PDLIM1: variants seen among roughly 807,000 people sequenced by gnomAD.
The protein encoded by PDLIM1 is PDZ and LIM domain protein 1.
Under a neutral mutation model 35.2 loss-of-function variants are expected in PDLIM1, and 25 were observed. The ratio of observed to expected loss-of-function variants is 0.71; its 90% CI spans 0.52 to 0.99. The LOEUF (loss-of-function observed/expected upper bound fraction) is 0.99, where lower values mean the gene tolerates loss of function less well. PDLIM1 is among the 50% of genes least tolerant of loss of function. The pLI is 0.00. For synonymous variants in PDLIM1, 152 were observed against 154.0 expected (o/e 0.99, Z 0.10); for missense variants, 363 against 415.3 (o/e 0.87, Z 1.09).
intron 2 of PDLIM1, 147 bp from the exon 3 acceptor site, chr10:95,269,009 T>A: frequency 1.6e-6 from 1 of 636,880 alleles, no homozygotes; most frequent in East Asian, 2.8e-5. Flanking sequence ...TGCCACCAGG[T>A]TGATCTTTTA....
rs954445679 is a variant in PDLIM1 at position 95,290,561 on chromosome 10, G to T, written c.96+259C>A. ...GCCCCGCCGCGCTTCCGGGGCCAAA[G>T]AACGAAAACTGCCTTCTTTTTTTCT... On this transcript the variant is annotated intron_variant, in intron 1 of 6. Coordinates refer to ENST00000329399, the MANE Select transcript of PDLIM1 (RefSeq NM_020992.4). This position sits in a 1 kb window ranked among gnomAD's most constrained non-coding sequence, Gnocchi z 4.7. 8.6e-4 allele frequency among the ~76,000 whole-genome samples: 131 copies of T among 152,260 alleles called. No individual in the cohort carries two copies. The highest frequency in any genetic ancestry group is 1.2e-3 in the Non-Finnish European group (85 of 68,010).
chr10:95,238,145 G>C (rs2035143126), intron 6 of PDLIM1, 34 bp from the exon 7 acceptor site: 2 of 1,596,938 alleles, frequency 1.3e-6, no homozygotes, highest in African/African-American at 1.3e-5. Context: ...GACTCCATCA[G>C]TGACAAGCAC....
chr10:95,271,254 T>G (rs1431081943), intron 2 of PDLIM1, among the ~76,000 whole-genome samples: 1 of 151,294 alleles, frequency 6.6e-6, no homozygotes, highest in Admixed American at 6.6e-5. Context: ...CTGGCCAACA[T>G]GGTGAAACCC....
chr10:95,262,621 C>G (rs1380227592), intron 4 of PDLIM1, among the ~76,000 whole-genome samples: 3 of 146,336 alleles, frequency 2.1e-5, no homozygotes, highest in Admixed American at 6.9e-5. Flanking sequence ...CCCTTGTTTA[C>G]TCAGAGCTCT....
rs1273309670 is a variant in PDLIM1, at chr10:95,290,229, A to C, written c.96+591T>G. 6.6e-6 allele frequency among the ~76,000 whole-genome samples: 1 copy of C among 151,930 alleles called. No individual in the cohort carries two copies. The highest frequency in any genetic ancestry group is 2.4e-5 in the African/African-American group (1 of 41,238). Reference sequence around the variant, plus strand: ...CGTTCTGCAGAGGGGAGAATGACCAAGAGGGTTTACTTGAGTTTGTTTGTT... The same window carrying C: ...CGTTCTGCAGAGGGGAGAATGACCACGAGGGTTTACTTGAGTTTGTTTGTT... On this transcript the variant is annotated intron_variant, in intron 1 of 6. Coordinates refer to ENST00000329399, the MANE Select transcript of PDLIM1 (RefSeq NM_020992.4). This position sits in a 1 kb window ranked among gnomAD's most constrained non-coding sequence, Gnocchi z 4.7.
intron 4 of PDLIM1, among the ~76,000 whole-genome samples, chr10:95,257,037 A>AGAAAGAAAGAAAGAAG (rs1192380541): frequency 7.2e-6 from 1 of 139,464 alleles, no homozygotes; most frequent in Non-Finnish European, 1.6e-5. Context: ...AAAGAAAGAA[A>AGAAAGAAAGAAAGAAG]GAATTCAAAA....
rs777571755 is a variant in PDLIM1, at chr10:95,247,363, T to C, written c.537A>G (p.Leu179=). The C allele has an allele frequency of 2.5e-5, 41 of 1,608,804 alleles. No homozygotes were observed. The South Asian group carries it at 4.6e-4, about 18-fold the overall frequency. ...GGCTGCTTGGAGGCTGAGCATGGTC[T>C]AAGCTGTAAAGAATGTTTGAAAAAT... ...ASGVEANSRP[L]DHAQPPSSLV... The change falls in exon 5 of 7, where the codon TTA becomes TTG. Residue 179 remains leucine (L), a synonymous_variant. Coordinates refer to ENST00000329399, the MANE Select transcript of PDLIM1 (RefSeq NM_020992.4).
At chr10:95,269,444 C>T (rs897665257) in intron 2 of PDLIM1, among the ~76,000 whole-genome samples, 3 of 151,934 alleles carry the variant, frequency 2.0e-5, no homozygotes, top group Admixed American at 6.5e-5. Flanking sequence ...TGGTGGCATA[C>T]GCCTATAATC....
At chr10:95,245,724 G>C (rs1479852432) in intron 5 of PDLIM1, among the ~76,000 whole-genome samples, 1 of 152,196 alleles carries the variant, frequency 6.6e-6, no homozygotes, top group Non-Finnish European at 1.5e-5. Context: ...TGGTAGAACA[G>C]TATCATTTTA....
intron 1 of PDLIM1, among the ~76,000 whole-genome samples, chr10:95,274,386 C>T (rs1157819929): frequency 2.0e-5 from 3 of 151,854 alleles, no homozygotes; most frequent in East Asian, 1.9e-4. Context: ...CTCCACCTCC[C>T]GGGTTCAAGC....
rs192539878 is a variant in PDLIM1, at chr10:95,243,364, C to T, written c.685+3851G>A. ...CAACTACAAAAATTTCCAAATTTCT[C>T]TTCTTACAGTGAACCCTGTATCCCA... On this transcript the variant is annotated intron_variant, in intron 5 of 6. Coordinates refer to ENST00000329399, the MANE Select transcript of PDLIM1 (RefSeq NM_020992.4). Among the ~76,000 whole-genome samples, 61 of 152,322 alleles carry T rather than the reference C, an allele frequency of 4.0e-4. 2 individuals carry two copies. The highest frequency in any genetic ancestry group is 3.7e-3 in the Admixed American group (57 of 15,308).
intron 4 of PDLIM1, among the ~76,000 whole-genome samples, chr10:95,257,360 A>G (rs945384792): frequency 9.2e-5 from 14 of 152,298 alleles, no homozygotes; most frequent in African/African-American, 3.4e-4. Context: ...CTGTACCACA[A>G]AGGAAACAAC....
chr10:95,283,157 A>G (rs993778627), intron 1 of PDLIM1, among the ~76,000 whole-genome samples: 1 of 152,252 alleles, frequency 6.6e-6, no homozygotes, highest in African/African-American at 2.4e-5. Flanking sequence ...ATGAGACTGC[A>G]TTTGTAAAGA....
At chr10:95,282,589 T>C (rs752390560) in intron 1 of PDLIM1, among the ~76,000 whole-genome samples, 3 of 152,168 alleles carry the variant, frequency 2.0e-5, no homozygotes, top group African/African-American at 4.8e-5. Context: ...CCACCATTTC[T>C]CAGACAGGAA....
intron 1 of PDLIM1, among the ~76,000 whole-genome samples, chr10:95,276,615 G>A (rs770377686): frequency 3.9e-5 from 6 of 152,290 alleles, no homozygotes; most frequent in Non-Finnish European, 7.3e-5. Context: ...GTTAATGAGC[G>A]TTTAGGTACC....
intron 3 of PDLIM1, among the ~76,000 whole-genome samples, chr10:95,266,028 G>A (rs1047186120): frequency 1.3e-5 from 2 of 152,004 alleles, no homozygotes; most frequent in Middle Eastern, 3.4e-3. Context: ...GTGAAACCTC[G>A]TTTCTACTAA....
intron 2 of PDLIM1, among the ~76,000 whole-genome samples, chr10:95,270,511 A>G (rs2035455507): frequency 6.6e-6 from 1 of 152,096 alleles, no homozygotes; most frequent in Admixed American, 6.5e-5. Context: ...TCACTTCCGA[A>G]ATCCTGCCTT....
intron 4 of PDLIM1, among the ~76,000 whole-genome samples, chr10:95,253,931 TAA>T (rs2035288602): frequency 6.6e-6 from 1 of 152,134 alleles, no homozygotes; most frequent in African/African-American, 2.4e-5. Context: ...TAAACTGTGA[TAA>T]GTTATATATA....
intron 4 of PDLIM1, among the ~76,000 whole-genome samples, chr10:95,261,028 C>T (rs2035357815): frequency 6.6e-6 from 1 of 152,174 alleles, no homozygotes; most frequent in South Asian, 2.1e-4. Context: ...CGGGGTGGAA[C>T]AGAAACAGGA....
Sources: allele counts gnomAD v4.1 joint callset (sites outside exome capture counted in the v4.1 genomes callset), GRCh38; gene constraint gnomAD v4.1.1; non-coding constraint Gnocchi (gnomAD v3.1); transcripts MANE v1.5; gene names NCBI Gene and HGNC (gene_info 2026-07-23, HGNC 2026-07-21).